Variants in STK33 observed in about 807,000 individuals in gnomAD.
STK33 encodes serine/threonine-protein kinase 33.
In STK33, 52 loss-of-function variants were observed where a neutral mutation model predicts 58.0. That is an observed-to-expected ratio of 0.90 (90% CI 0.72 to 1.13). The LOEUF (loss-of-function observed/expected upper bound fraction) is 1.13, where lower values mean the gene tolerates loss of function less well. STK33 is among the 50% of genes most tolerant of loss of function. The pLI is 0.00. For synonymous variants in STK33, 215 were observed against 200.1 expected (o/e 1.07, Z -0.63); for missense variants, 630 against 604.2 (o/e 1.04, Z -0.45).
At chr11:8,353,135 T>C in the STK33 span, among the ~76,000 whole-genome samples, 1 of 152,190 alleles carries the variant, frequency 6.6e-6, no homozygotes, top group Non-Finnish European at 1.5e-5. Context: ...CGAGAGGTTC[T>C]GAGCCCACAT....
the STK33 span, among the ~76,000 whole-genome samples, chr11:8,344,198 A>AAC: frequency 0.043 from 5,846 of 137,160 alleles, 148 homozygotes; most frequent in South Asian, 0.093. Flanking sequence ...AAACAAACAA[A>AAC]ACACACACAC....
chr11:8,413,641 C>T lies in STK33; in HGVS notation c.1198G>A (p.Glu400Lys). Residue 400 changes from glutamate to lysine, a missense_variant, in exon 15 of 16, where the codon GAA becomes AAA. Coordinates refer to ENST00000687296, the MANE Select transcript of STK33 (RefSeq NM_001352389.2). Reference protein sequence around the residue: ...RPTNVLEMMKEWKNNPESVEE... With the variant: ...RPTNVLEMMKKWKNNPESVEE... ...ACACTTTCTGGGTTATTTTTCCATT[C>T]CTTCATCATCTCTAATACATTGGTT... 6.2e-7 allele frequency: 1 copy of T among 1,613,888 alleles called. No individual in the cohort carries two copies. The highest frequency in any genetic ancestry group is 8.5e-7 in the Non-Finnish European group (1 of 1,179,918).
chr11:8,483,310 T>C (rs1345193109), intron 1 of STK33, among the ~76,000 whole-genome samples: 2 of 152,004 alleles, frequency 1.3e-5, no homozygotes, highest in Admixed American at 6.6e-5. Context: ...TGGTTTCAAT[T>C]TGAAGGCAAG....
chr11:8,571,032 A>G (rs1171440923), intron 1 of STK33, among the ~76,000 whole-genome samples: 1 of 152,202 alleles, frequency 6.6e-6, no homozygotes, highest in Non-Finnish European at 1.5e-5. Flanking sequence ...CACAAGACAC[A>G]GCACTGTAAT....
chr11:8,388,664 G>A (rs1032647024), downstream of STK33, among the ~76,000 whole-genome samples: 1 of 152,182 alleles, frequency 6.6e-6, no homozygotes, highest in Non-Finnish European at 1.5e-5. Flanking sequence ...TGGGCTCCAC[G>A]GGGTCCCCTG....
At chr11:8,537,152 G>GT in intron 1 of STK33, among the ~76,000 whole-genome samples, 1 of 151,230 alleles carries the variant, frequency 6.6e-6, no homozygotes, top group East Asian at 1.9e-4. Flanking sequence ...ACCAACTTTT[G>GT]TATTTTTAGT....
At chr11:8,488,180 T>A (rs1462919565) in intron 1 of STK33, among the ~76,000 whole-genome samples, 1 of 152,192 alleles carries the variant, frequency 6.6e-6, no homozygotes, top group Non-Finnish European at 1.5e-5. Flanking sequence ...CAGTACAAAA[T>A]GCCTCCTTCC....
chr11:8,585,842 G>A (rs371643313), intron 1 of STK33, among the ~76,000 whole-genome samples: 16 of 152,070 alleles, frequency 1.1e-4, no homozygotes, highest in African/African-American at 3.6e-4. Flanking sequence ...ATCACTTGAG[G>A]TCAGGAGTTC....
the STK33 span, among the ~76,000 whole-genome samples, chr11:8,359,647 C>T: frequency 4.6e-5 from 7 of 152,204 alleles, no homozygotes; most frequent in Admixed American, 3.3e-4. Flanking sequence ...TTCTCTGGAG[C>T]GACCATGTAG....
At chr11:8,418,127 C>G (rs1941390738) in intron 14 of STK33, among the ~76,000 whole-genome samples, 1 of 151,614 alleles carries the variant, frequency 6.6e-6, no homozygotes, top group South Asian at 2.1e-4. Context: ...CCAGGGGTAC[C>G]TGAGCAGGTT....
At chr11:8,584,110 G>GAAA (rs35914021) in intron 1 of STK33, among the ~76,000 whole-genome samples, 1 of 126,630 alleles carries the variant, frequency 7.9e-6, no homozygotes. Flanking sequence ...GAATTTAGAT[G>GAAA]AAAAAAAAAA....
chr11:8,352,654 C>G, the STK33 span, among the ~76,000 whole-genome samples: 2 of 152,290 alleles, frequency 1.3e-5, no homozygotes, highest in Non-Finnish European at 2.9e-5. Flanking sequence ...TTGAAGACTG[C>G]CTGTAAAACT....
At chr11:8,364,771 T>G in the STK33 span, among the ~76,000 whole-genome samples, 1 of 152,340 alleles carries the variant, frequency 6.6e-6, no homozygotes, top group East Asian at 1.9e-4. Context: ...TATGCCACAA[T>G]TTATTTATCC....
chr11:8,536,353 G>A (rs1385041733), intron 1 of STK33, among the ~76,000 whole-genome samples: 1 of 152,082 alleles, frequency 6.6e-6, no homozygotes, highest in Admixed American at 6.6e-5. Context: ...TTTCCAAAGT[G>A]AAAGAGCCCA....
chr11:8,427,615 T>C (rs1942931734), intron 14 of STK33, among the ~76,000 whole-genome samples: 1 of 152,122 alleles, frequency 6.6e-6, no homozygotes, highest in Non-Finnish European at 1.5e-5. Context: ...TAACCCCATA[T>C]ATCTTTTCTT....
intron 7 of STK33, among the ~76,000 whole-genome samples, chr11:8,464,146 T>C (rs1193556486): frequency 6.6e-6 from 1 of 152,202 alleles, no homozygotes; most frequent in Non-Finnish European, 1.5e-5. Context: ...GTCTGAGGTC[T>C]TAGATTTTAT....
chr11:8,569,126 C>T (rs1157113547), intron 1 of STK33, among the ~76,000 whole-genome samples: 1 of 152,108 alleles, frequency 6.6e-6, no homozygotes. Flanking sequence ...TCTGGCTGCA[C>T]AGTTTATAGA....
At chr11:8,478,823 T>C (rs966003622) in intron 2 of STK33, among the ~76,000 whole-genome samples, 8 of 152,158 alleles carry the variant, frequency 5.3e-5, no homozygotes, top group Non-Finnish European at 8.8e-5. Flanking sequence ...GTAACATGTT[T>C]ACAAAGCCTA....
chr11:8,495,583 C>T (rs181641717), intron 1 of STK33, among the ~76,000 whole-genome samples: 1 of 152,058 alleles, frequency 6.6e-6, no homozygotes, highest in Non-Finnish European at 1.5e-5. Context: ...TTTGACCCAG[C>T]GATCCCATTA....
Sources: gnomAD v4.1 joint callset for allele counts (sites outside exome capture counted in the v4.1 genomes callset) on GRCh38, gnomAD v4.1.1 for gene constraint, MANE v1.5 for transcripts, NCBI Gene and HGNC (gene_info 2026-07-23, HGNC 2026-07-21) for gene names.